NECAB1: variants seen among roughly 807,000 people sequenced by gnomAD.
The protein encoded by NECAB1 is N-terminal EF-hand calcium-binding protein 1.
In NECAB1, 29 loss-of-function variants were observed where a neutral mutation model predicts 57.5. That is an observed-to-expected ratio of 0.50 (90% CI 0.38 to 0.69). The LOEUF is 0.69. Ranked by LOEUF, NECAB1 falls within the 30% of genes least tolerant of loss-of-function variation. The pLI is 0.00. For missense variants in NECAB1, 372 were observed against 413.8 expected (o/e 0.90, Z 0.88); for synonymous variants, 142 against 147.7 (o/e 0.96, Z 0.28).
chr8:90,810,705 A>G (rs541720146), intron 2 of NECAB1, among the ~76,000 whole-genome samples: 3 of 152,166 alleles, frequency 2.0e-5, no homozygotes, highest in Non-Finnish European at 4.4e-5. Context: ...CTATAAAAAA[A>G]CTGAGCCCTT....
intron 9 of NECAB1, among the ~76,000 whole-genome samples, chr8:90,939,230 T>C (rs2740788): frequency 0.53 from 80,120 of 152,088 alleles, 24,535 homozygotes; most frequent in African/African-American, 0.83. Flanking sequence ...TGGCCCCTGC[T>C]GTAGCAGGTC....
intron 4 of NECAB1, among the ~76,000 whole-genome samples, chr8:90,873,613 C>T (rs1808659682): frequency 6.6e-6 from 1 of 152,166 alleles, no homozygotes; most frequent in Non-Finnish European, 1.5e-5. Flanking sequence ...TTCCACAAAT[C>T]ATTCATTTAT....
intron 5 of NECAB1, among the ~76,000 whole-genome samples, chr8:90,892,551 C>G (rs1255968831): frequency 6.6e-6 from 1 of 152,102 alleles, no homozygotes; most frequent in African/African-American, 2.4e-5. Context: ...ATTTGTACCC[C>G]CTTTAGATCT....
chr8:90,868,892 C>T (rs1808567337), intron 3 of NECAB1, among the ~76,000 whole-genome samples: 1 of 152,214 alleles, frequency 6.6e-6, no homozygotes, highest in African/African-American at 2.4e-5. Context: ...CAGGGTATTT[C>T]AGAGACCTTT....
At chr8:90,828,816 G>T (rs1362033110) in intron 3 of NECAB1, among the ~76,000 whole-genome samples, 1 of 152,030 alleles carries the variant, frequency 6.6e-6, no homozygotes, top group Non-Finnish European at 1.5e-5. Flanking sequence ...GCATGGCAAA[G>T]GAGAAGAAAG....
intron 8 of NECAB1, among the ~76,000 whole-genome samples, chr8:90,931,330 C>G (rs936764062): frequency 1.4e-4 from 22 of 152,222 alleles, no homozygotes; most frequent in African/African-American, 5.3e-4. Context: ...CTGCTGAGTA[C>G]CTTGTCTCCT....
At chr8:90,798,320 A>C (rs1180734502) in intron 1 of NECAB1, among the ~76,000 whole-genome samples, 2 of 152,182 alleles carry the variant, frequency 1.3e-5, no homozygotes, top group Non-Finnish European at 2.9e-5. Flanking sequence ...TTTTAGATTC[A>C]GGAGGAATAT....
chr8:90,815,564 C>G (rs75680810), intron 2 of NECAB1, among the ~76,000 whole-genome samples: 1 of 151,940 alleles, frequency 6.6e-6, no homozygotes, highest in South Asian at 2.1e-4. Context: ...TCCAACCTCC[C>G]CAAACTCCTG....
At chr8:90,912,979 C>A (rs1260794011) in intron 5 of NECAB1, among the ~76,000 whole-genome samples, 1 of 152,128 alleles carries the variant, frequency 6.6e-6, no homozygotes, top group Non-Finnish European at 1.5e-5. Flanking sequence ...AGCAGTGCCC[C>A]TTGCTAAATG....
chr8:90,954,515 G>T (rs1380514642), intron 12 of NECAB1, among the ~76,000 whole-genome samples: 1 of 151,844 alleles, frequency 6.6e-6, no homozygotes, highest in Admixed American at 6.6e-5. Context: ...CAAAAAAAAA[G>T]ATCCTATTGC....
At chr8:90,923,448 C>G (rs1449710608) in intron 6 of NECAB1, among the ~76,000 whole-genome samples, 2 of 152,242 alleles carry the variant, frequency 1.3e-5, no homozygotes, top group Non-Finnish European at 1.5e-5. Context: ...AAAGACTTAA[C>G]AATGCCAATG....
intron 5 of NECAB1, among the ~76,000 whole-genome samples, chr8:90,887,965 C>G (rs1239495598): frequency 6.6e-6 from 1 of 152,178 alleles, no homozygotes; most frequent in Non-Finnish European, 1.5e-5. Flanking sequence ...AGGTCAACTG[C>G]TGGTGTACCC....
At chr8:90,795,977 C>T (rs1346140300) in intron 1 of NECAB1, among the ~76,000 whole-genome samples, 6 of 151,924 alleles carry the variant, frequency 3.9e-5, no homozygotes, top group East Asian at 3.9e-4. Context: ...ACATGTACCC[C>T]GGAACTTAAA....
At chr8:90,800,857 C>G (rs1403289981) in intron 1 of NECAB1, among the ~76,000 whole-genome samples, 1 of 152,098 alleles carries the variant, frequency 6.6e-6, no homozygotes, top group Non-Finnish European at 1.5e-5. Flanking sequence ...CATAAGTGCC[C>G]TGCCCAACAC....
chr8:90,936,770 G>A (rs2130221104), intron 9 of NECAB1, among the ~76,000 whole-genome samples: 1 of 152,174 alleles, frequency 6.6e-6, no homozygotes, highest in African/African-American at 2.4e-5. Flanking sequence ...GTTACATAAT[G>A]ATGAGTCCAG....
chr8:90,949,077 A>G (rs1810869951), intron 10 of NECAB1, among the ~76,000 whole-genome samples: 1 of 152,136 alleles, frequency 6.6e-6, no homozygotes, highest in African/African-American at 2.4e-5. Context: ...AAAGTAAAAC[A>G]AACAAAAAAC....
In NECAB1 at chr8:90,877,424, A is replaced by C. The variant is rs138672591; in HGVS notation, c.260-3609A>C. Among the ~76,000 whole-genome samples the C allele has an allele frequency of 4.2e-3, 633 of 152,280 alleles. 2 individuals are homozygous for C. Among genetic ancestry groups the C allele is most frequent in the Middle Eastern group, 6.8e-3 (2 of 294 alleles). On this transcript the variant is annotated intron_variant, in intron 4 of 12. Transcript: ENST00000417640. The stretch of plus-strand genomic sequence containing the variant: ...CATAGTGGTCTCGAATTTACTCTGC[A>C]TCATAATCTCCTAGGGAACCTCGCC...
rs1453336984 is a variant in NECAB1, at chr8:90,874,496, G to A, written c.259+2343G>A. Among the ~76,000 whole-genome samples, 8 of 152,086 alleles carry A rather than the reference G, an allele frequency of 5.3e-5. 1 individual carries two copies. Among genetic ancestry groups the A allele is most frequent in the South Asian group, 4.1e-4 (2 of 4,832 alleles). ...TCAATCTTCTGTGCCACTCATTGTC[G>A]TCCCCAATACTGAGCTCTACTATTT... is the stretch of plus-strand genomic sequence containing the variant. On this transcript the variant is annotated intron_variant, in intron 4 of 12. Transcript: ENST00000417640.
At chr8:90,905,127 C>T (rs1809607301) in intron 5 of NECAB1, among the ~76,000 whole-genome samples, 1 of 151,934 alleles carries the variant, frequency 6.6e-6, no homozygotes. Flanking sequence ...ACAAACAAAC[C>T]AAGAGAATTT....
Sources: allele counts gnomAD v4.1 joint callset (sites outside exome capture counted in the v4.1 genomes callset), GRCh38; gene constraint gnomAD v4.1.1; transcripts MANE v1.5; gene names NCBI Gene and HGNC (gene_info 2026-07-23, HGNC 2026-07-21).